The following NOA1 variants were observed in gnomAD, a reference collection of about 807,000 sequenced individuals.
NOA1 encodes nitric oxide-associated protein 1.
NOA1 carries 35 observed loss-of-function variants against 58.4 expected under a neutral mutation model. The ratio of observed to expected loss-of-function variants is 0.60; its 90% CI spans 0.46 to 0.79. The LOEUF is 0.79. NOA1 is among the 30% of genes least tolerant of loss of function. NOA1 has a pLI of 0.00. For missense variants in NOA1, 895 were observed against 894.6 expected (o/e 1.00, Z -0.01); for synonymous variants, 397 against 373.4 (o/e 1.06, Z -0.73).
chr4:56,963,741 C>T, intron 6 of NOA1, 80 bp from the exon 7 acceptor site: 1 of 987,642 alleles, frequency 1.0e-6, no homozygotes. Context: ...TGAAAATGGA[C>T]TATCAGAGAA....
At position 56,963,526 on chromosome 4, in the gene NOA1, CT is replaced by C; in HGVS notation, c.2020del (p.Ser674ValfsTer16). On this transcript the variant is annotated frameshift_variant, in exon 7 of 7. Transcript: ENST00000264230. LOFTEE classifies it high-confidence loss of function. ...AGGCTTCTTGGTTTTATAGGCCACA[CT>C]TTTCTTGATGCGCTGTCCTTTGATG... is the stretch of plus-strand genomic sequence containing the variant. Reference protein sequence around the residue: ...VNIKGQRIKKSVAYKTKKPPS... With the variant: ...VNIKGQRIKKXVAYKTKKPPS... 1.2e-6 allele frequency: 2 copies of C among 1,614,098 alleles called. No homozygotes were observed. The highest frequency in any genetic ancestry group is 2.2e-5 in the South Asian group (2 of 91,078).
In NOA1 at chr4:56,968,425, C is replaced by T. The variant is rs1367074471; in HGVS notation, c.1606G>A (p.Val536Ile). The change falls in exon 4 of 7, where the codon GTT becomes ATT. Residue 536 changes from valine (V) to isoleucine (I), a missense_variant. By Grantham distance (29) the Val-to-Ile change is conservative. This residue lies in a region of NOA1 where 212 missense variants were observed against 221.3 expected (regional missense o/e 0.96). Transcript: ENST00000264230. Reference sequence around the variant, plus strand: ...CGGCCTATAGCACCCAAAAACAGAACCATTCCTGGTTTAAGCACAAAAGTT... The same window carrying T: ...CGGCCTATAGCACCCAAAAACAGAATCATTCCTGGTTTAAGCACAAAAGTT... ...PRTFVLKPGMVLFLGAIGRID... is the reference protein window; with the variant it reads ...PRTFVLKPGMILFLGAIGRID... The T allele has an allele frequency of 6.2e-7, 1 of 1,613,164 alleles. No homozygotes were observed.
At chr4:56,973,127 T>C (rs567090645) in intron 3 of NOA1, 21 bp downstream of exon 3, 1 of 1,608,556 alleles carries the variant, frequency 6.2e-7, no homozygotes, top group African/African-American at 1.3e-5. Context: ...TAAATGTTTC[T>C]AAAAGAAACC....
chr4:56,977,230 GC>G lies in NOA1; in HGVS notation c.355del (p.Ala119ProfsTer21). On this transcript the variant is annotated frameshift_variant, in exon 1 of 7. Transcript: ENST00000264230. LOFTEE classifies it high-confidence loss of function. ...CACGACCGGGTGCTCCCGGGACCTG[GC>G]CCGTAGGTTTTGCTGTCGCCGCTCC... ...REERRQQNLR[A>X]RSREHPVVGH... The G allele has an allele frequency of 6.3e-7, 1 of 1,588,546 alleles. No homozygotes were observed. The highest frequency in any genetic ancestry group is 8.6e-7 in the Non-Finnish European group (1 of 1,169,254).
chr4:56,973,463 T>C, intron 2 of NOA1, 110 bp from the exon 3 acceptor site: 1 of 927,010 alleles, frequency 1.1e-6, no homozygotes, highest in Non-Finnish European at 1.7e-6. Context: ...TGTAGGGAAG[T>C]GAGACCATAA....
intron 2 of NOA1, 148 bp downstream of exon 2, chr4:56,973,710 T>G (rs1168403358): frequency 1.3e-6 from 1 of 760,348 alleles, no homozygotes; most frequent in East Asian, 2.5e-5. Context: ...AACAGTAGCC[T>G]TATCGCTAAA....
In NOA1 at chr4:56,963,526, C is replaced by A. The variant is rs746112009; in HGVS notation, c.2021G>T (p.Ser674Ile). ...AGGCTTCTTGGTTTTATAGGCCACACTTTTCTTGATGCGCTGTCCTTTGAT... is the reference window on the plus strand; with the variant it reads ...AGGCTTCTTGGTTTTATAGGCCACAATTTTCTTGATGCGCTGTCCTTTGAT... Reference protein sequence around the residue: ...VNIKGQRIKKSVAYKTKKPPS... With the variant: ...VNIKGQRIKKIVAYKTKKPPS... Residue 674 changes from serine to isoleucine, a missense_variant, in exon 7 of 7, where the codon AGT becomes ATT. By Grantham distance (142) the Ser-to-Ile change is moderately radical. Around this residue, in one of 3 missense-constraint regions of NOA1, gnomAD observed 212 missense variants for 221.3 expected, o/e 0.96. Transcript: ENST00000264230. 6.2e-7 allele frequency: 1 copy of A among 1,614,098 alleles called. No individual in the cohort carries two copies. Among genetic ancestry groups the A allele is most frequent in the Non-Finnish European group, 8.5e-7 (1 of 1,180,010 alleles).
In NOA1 at chr4:56,976,501, T is replaced by G. The variant is rs374594944; in HGVS notation, c.1085A>C (p.Asp362Ala). Residue 362 changes from aspartate (D) to alanine (A), a missense_variant, in exon 1 of 7, where the codon GAT (aspartate) becomes GCT (alanine). Physicochemically the swap from Asp to Ala is moderately radical, Grantham distance 126. Transcript: ENST00000264230. ...CTCGGAGCCCTTGGCAGTGCAGTAA[T>G]CGGACTCCAGGAGCGTGTTAAAGAG... ...STLFNTLLES[D>A]YCTAKGSEAI... 23 of 1,614,084 alleles carry G rather than the reference T, an allele frequency of 1.4e-5. No homozygotes were observed. Among genetic ancestry groups the G allele is most frequent in the Non-Finnish European group, 1.8e-5 (21 of 1,180,046 alleles).
Position 56,977,298 on chromosome 4 carries a change from TTGCTGGAGCTCCTGCAGC to T in NOA1, c.270_287del (p.Leu91_Gln96del). 1.2e-6 allele frequency: 2 copies of T among 1,614,060 alleles called. No homozygotes were observed. The highest frequency in any genetic ancestry group is 8.5e-7 in the Non-Finnish European group (1 of 1,179,992). On this transcript the variant is annotated inframe_deletion, in exon 1 of 7. Coordinates refer to ENST00000264230, the MANE Select transcript of NOA1 (RefSeq NM_032313.4). ...TCTGTCGCTCCTCCTCCTCCTGCTGTTGCTGGAGCTCCTGCAGCTGCTTTTCGCGGGTGGGTTGCGGCT... is the reference window on the plus strand; with the variant it reads ...TCTGTCGCTCCTCCTCCTCCTGCTGTTGCTTTTCGCGGGTGGGTTGCGGCT...
intron 5 of NOA1, 93 bp from the exon 6 acceptor site, chr4:56,964,619 G>C: frequency 7.4e-7 from 1 of 1,343,062 alleles, no homozygotes; most frequent in Non-Finnish European, 1.0e-6. Flanking sequence ...TCTGTACAGG[G>C]ATCAAGAATA....
chr4:56,965,694 G>GT (rs1721689906), intron 5 of NOA1, among the ~76,000 whole-genome samples: 1 of 250 alleles, frequency 4.0e-3, no homozygotes, highest in South Asian at 0.17. Context: ...CCAAAGTATG[G>GT]TGTGTGTGTG....
At chr4:56,966,855 A>G in intron 4 of NOA1, 119 bp from the exon 5 acceptor site, 1 of 689,526 alleles carries the variant, frequency 1.5e-6, no homozygotes, top group East Asian at 2.5e-5. Flanking sequence ...GACTCCCTTT[A>G]TAAGTACTGG....
intron 5 of NOA1, among the ~76,000 whole-genome samples, chr4:56,966,340 A>G (rs1434114333): frequency 6.6e-6 from 1 of 152,132 alleles, no homozygotes; most frequent in Non-Finnish European, 1.5e-5. Context: ...GCAAATTTTA[A>G]TTGTCACTAA....
In NOA1 at chr4:56,973,949, T is replaced by A. The variant is rs538546044; in HGVS notation, c.1218A>T (p.Arg406Ser). ...TPYRMFKRHQRLKKDSTQAEE... is the reference protein window; with the variant it reads ...TPYRMFKRHQSLKKDSTQAEE... ...CAGCTTGAGTTGAATCTTTTTTAAGTCTTTGATGCCTTTTAAACATTCTGT... is the reference window on the plus strand; with the variant it reads ...CAGCTTGAGTTGAATCTTTTTTAAGACTTTGATGCCTTTTAAACATTCTGT... The change falls in exon 2 of 7, where the codon AGA (arginine) becomes AGT (serine). Residue 406 changes from arginine (R) to serine (S), a missense_variant. Arg to Ser is a moderately radical substitution (Grantham distance 110). Around this residue, in one of 3 missense-constraint regions of NOA1, gnomAD observed 680 missense variants for 656.5 expected, o/e 1.04. Coordinates refer to ENST00000264230, the MANE Select transcript of NOA1 (RefSeq NM_032313.4). 1.2e-6 allele frequency: 2 copies of A among 1,614,128 alleles called. No homozygotes were observed. Among genetic ancestry groups the A allele is most frequent in the Admixed American group, 3.3e-5 (2 of 60,020 alleles).
chr4:56,975,641 G>A (rs1396687201), intron 1 of NOA1, among the ~76,000 whole-genome samples: 1 of 152,102 alleles, frequency 6.6e-6, no homozygotes, highest in African/African-American at 2.4e-5. Flanking sequence ...ACTTTGGGAT[G>A]CTGAGGCGGG....
intron 3 of NOA1, among the ~76,000 whole-genome samples, chr4:56,969,421 A>G (rs943372214): frequency 2.0e-5 from 3 of 151,960 alleles, no homozygotes; most frequent in African/African-American, 7.2e-5. Flanking sequence ...AAAAATACAA[A>G]ATTAGCCGGG....
In NOA1 at chr4:56,977,551, C is replaced by A; in HGVS notation, c.35G>T (p.Ser12Ile). ...LPARLPFRLL[S>I]LFLRGSAPTA... ...GGGAGCGGATCCACGAAGGAAAAGGCTCAGCAGCCTGAACGGTAGGCGAGC... is the reference window on the plus strand; with the variant it reads ...GGGAGCGGATCCACGAAGGAAAAGGATCAGCAGCCTGAACGGTAGGCGAGC... Residue 12 changes from serine to isoleucine, a missense_variant, in exon 1 of 7, where the codon AGC becomes ATC. Coordinates refer to ENST00000264230, the MANE Select transcript of NOA1 (RefSeq NM_032313.4). The A allele has an allele frequency of 2.5e-6, 4 of 1,608,410 alleles. No individual in the cohort carries two copies. The highest frequency in any genetic ancestry group is 4.5e-5 in the East Asian group (2 of 44,666).
At chr4:56,975,963 C>T (rs958591094) in intron 1 of NOA1, among the ~76,000 whole-genome samples, 4 of 152,162 alleles carry the variant, frequency 2.6e-5, no homozygotes, top group African/African-American at 9.7e-5. Flanking sequence ...AGGAGAATCA[C>T]TTGAACCCGG....
chr4:56,966,923 G>C lies in NOA1; in HGVS notation c.1648-187C>G, dbSNP rs115719807. ...AGAACAGGGGCACAATACTGAAGCA[G>C]TGCATTTCAGCAATTCATGTGAAAC... On this transcript the variant is annotated intron_variant, in intron 4 of 6. Coordinates refer to ENST00000264230, the MANE Select transcript of NOA1 (RefSeq NM_032313.4). Among the ~76,000 whole-genome samples, 557 of 152,220 alleles carry C rather than the reference G, an allele frequency of 3.7e-3. 8 individuals carry two copies. Among genetic ancestry groups the C allele is most frequent in the African/African-American group, 0.012 (500 of 41,540 alleles).
Sources: allele counts gnomAD v4.1 joint callset (sites outside exome capture counted in the v4.1 genomes callset), GRCh38; gene constraint gnomAD v4.1.1; regional missense constraint gnomAD v4.1.1; transcripts MANE v1.5; gene names NCBI Gene and HGNC (gene_info 2026-07-23, HGNC 2026-07-21).